The following NADSYN1 variants were observed in gnomAD, a reference collection of about 807,000 sequenced individuals.
NADSYN1 encodes glutamine-dependent NAD(+) synthetase.
In NADSYN1, 80 loss-of-function variants were observed where a neutral mutation model predicts 99.3. The ratio of observed to expected loss-of-function variants is 0.81; its 90% CI spans 0.67 to 0.97. NADSYN1 has a LOEUF of 0.97. Among genes scored for constraint, NADSYN1 ranks in the 50% least tolerant of loss-of-function variants. The pLI is 0.00. For missense variants in NADSYN1, 859 were observed against 948.5 expected (o/e 0.91, Z 1.24); for synonymous variants, 385 against 372.1 (o/e 1.03, Z -0.40).
intron 20 of NADSYN1, chr11:71,498,759 G>T: frequency 2.3e-6 from 1 of 429,608 alleles, no homozygotes; most frequent in Non-Finnish European, 4.2e-6. Context: ...TTCGATATGT[G>T]TGTCACAGTG....
chr11:71,454,777 C>G, intron 1 of NADSYN1, among the ~76,000 whole-genome samples: 1 of 152,216 alleles, frequency 6.6e-6, no homozygotes. Flanking sequence ...CAGGGTCTGA[C>G]TTCTTCCTCT....
chr11:71,455,857 G>C (rs1949510212), intron 2 of NADSYN1, among the ~76,000 whole-genome samples: 1 of 152,194 alleles, frequency 6.6e-6, no homozygotes, highest in Non-Finnish European at 1.5e-5. Flanking sequence ...AGCAAGCATA[G>C]GTTATCGTTT....
intron 18 of NADSYN1, among the ~76,000 whole-genome samples, chr11:71,495,417 G>A (rs1949812423): frequency 6.6e-6 from 1 of 152,202 alleles, no homozygotes; most frequent in African/African-American, 2.4e-5. Flanking sequence ...AGTTGTCTGA[G>A]GCTTCTCTCG....
At chr11:71,477,838 G>A (rs537211829) in intron 9 of NADSYN1, among the ~76,000 whole-genome samples, 1 of 152,210 alleles carries the variant, frequency 6.6e-6, no homozygotes, top group African/African-American at 2.4e-5. Flanking sequence ...GCCCTCCTCT[G>A]TGTTGGCCTG....
chr11:71,458,648 G>A (rs118134329), intron 3 of NADSYN1, 104 bp downstream of exon 3: 4 of 811,992 alleles, frequency 4.9e-6, no homozygotes, highest in Non-Finnish European at 8.5e-6. Flanking sequence ...ACATCCATGT[G>A]TCCAGGGATA....
rs1226391204 is a variant in NADSYN1, at chr11:71,497,562, T to A, written c.1844T>A (p.Met615Lys). Residue 615 changes from methionine to lysine, a missense_variant, in exon 19 of 21, where the codon ATG becomes AAG. Physicochemically the swap from Met to Lys is moderately conservative, Grantham distance 95 (BLOSUM62 -1). Coordinates refer to ENST00000319023, the MANE Select transcript of NADSYN1 (RefSeq NM_018161.5). The part of the protein sequence containing the change: ...RKVAKMGPYS[M>K]FCKLLGMWRH... The stretch of plus-strand genomic sequence containing the variant: ...GTGGCCAAGATGGGGCCCTACAGCA[T>A]GTTCTGCAAACTCCTCGGCATGTGG... 11 of 1,614,156 alleles carry A rather than the reference T, an allele frequency of 6.8e-6. No individual in the cohort carries two copies. The highest frequency in any genetic ancestry group is 9.3e-6 in the Non-Finnish European group (11 of 1,180,018).
intron 19 of NADSYN1, among the ~76,000 whole-genome samples, chr11:71,497,949 A>G (rs560566492): frequency 6.6e-6 from 1 of 152,320 alleles, no homozygotes; most frequent in Non-Finnish European, 1.5e-5. Flanking sequence ...ATTGTAGTCC[A>G]ATGGAACCTC....
chr11:71,498,248 G>C (rs1949833676), intron 19 of NADSYN1, 104 bp from the exon 20 acceptor site: 3 of 1,329,340 alleles, frequency 2.3e-6, no homozygotes, highest in Admixed American at 2.0e-5. Flanking sequence ...CCTGTGCGGG[G>C]AGTAACCCAT....
At chr11:71,501,219 C>A in intron 20 of NADSYN1, 83 bp from the exon 21 acceptor site, 1 of 1,299,374 alleles carries the variant, frequency 7.7e-7, no homozygotes, top group Non-Finnish European at 1.0e-6. Context: ...GGACTTGTGA[C>A]CCGCTTTTGG....
In NADSYN1 at chr11:71,470,775, G is replaced by C. The variant is rs1282796643; in HGVS notation, c.408-1674G>C. On this transcript the variant is annotated intron_variant, in intron 5 of 20. Coordinates refer to ENST00000319023, the MANE Select transcript of NADSYN1 (RefSeq NM_018161.5). ...GTTTACCTATTTTCTGCTTCCAAAG[G>C]CTTTCGTTCTTTTGCTTCTGTTCTG... Among the ~76,000 whole-genome samples the C allele has an allele frequency of 2.6e-5, 4 of 152,170 alleles. 1 individual carries two copies. Among genetic ancestry groups the C allele is most frequent in the African/African-American group, 7.2e-5 (3 of 41,442 alleles).
At chr11:71,470,465 C>A (rs1013597973) in intron 5 of NADSYN1, among the ~76,000 whole-genome samples, 1 of 152,256 alleles carries the variant, frequency 6.6e-6, no homozygotes, top group Non-Finnish European at 1.5e-5. Context: ...CACCTGGGTA[C>A]TGTGTGCACT....
At chr11:71,498,558 A>G (rs1251501488) in intron 20 of NADSYN1, 30 bp downstream of exon 20, 2 of 1,608,436 alleles carry the variant, frequency 1.2e-6, no homozygotes, top group South Asian at 1.1e-5. Context: ...TTCTCTCTCC[A>G]TGTTTCATGT....
At position 71,491,042 on chromosome 11, in the gene NADSYN1, C is replaced by T. The variant is rs112944832; in HGVS notation, c.1694+66C>T. 3,273 of 1,597,616 alleles carry T rather than the reference C, an allele frequency of 2.0e-3. 4 individuals are homozygous for T. The highest frequency in any genetic ancestry group is 2.8e-3 in the Admixed American group (167 of 59,258). ...TCCTCTCCCAGCACGGCCCCGGCCACCCTGGCCCACACTCAGGCTCCTTCG... is the reference window on the plus strand; with the variant it reads ...TCCTCTCCCAGCACGGCCCCGGCCATCCTGGCCCACACTCAGGCTCCTTCG... On this transcript the variant is annotated intron_variant, in intron 17 of 20. Coordinates refer to ENST00000319023, the MANE Select transcript of NADSYN1 (RefSeq NM_018161.5).
intron 5 of NADSYN1, among the ~76,000 whole-genome samples, chr11:71,471,742 G>T (rs1016781924): frequency 1.3e-5 from 2 of 152,200 alleles, no homozygotes; most frequent in Non-Finnish European, 2.9e-5. Context: ...GTGAATGAGG[G>T]GGAAAGACAT....
At chr11:71,468,602 A>G (rs1217386120) in intron 5 of NADSYN1, among the ~76,000 whole-genome samples, 1 of 152,254 alleles carries the variant, frequency 6.6e-6, no homozygotes, top group African/African-American at 2.4e-5. Flanking sequence ...GTTCTTTAAA[A>G]GTCCAGTAGA....
At chr11:71,483,041 G>A (rs1430335478) in intron 14 of NADSYN1, 24 bp downstream of exon 14, 2 of 1,610,878 alleles carry the variant, frequency 1.2e-6, no homozygotes, top group Non-Finnish European at 1.7e-6. Flanking sequence ...CTGGTATTGG[G>A]CATGGCAGGT....
At chr11:71,462,441 G>A (rs1209441337) in intron 3 of NADSYN1, among the ~76,000 whole-genome samples, 2 of 152,114 alleles carry the variant, frequency 1.3e-5, no homozygotes, top group African/African-American at 4.8e-5. Flanking sequence ...GCCCCCTCGA[G>A]TTGGTCCTGC....
intron 4 of NADSYN1, 135 bp downstream of exon 4, chr11:71,463,620 T>A: frequency 1.3e-6 from 1 of 762,706 alleles, no homozygotes; most frequent in Non-Finnish European, 2.1e-6. Context: ...CCGGGCTTAG[T>A]GAGGGCCGAT....
At chr11:71,467,742 T>C (rs149093152) in intron 5 of NADSYN1, among the ~76,000 whole-genome samples, 533 of 152,242 alleles carry the variant, frequency 3.5e-3, no homozygotes, top group Non-Finnish European at 6.5e-3. Context: ...TGAAAGTGGA[T>C]AACAAGGGTG....
Sources: allele counts gnomAD v4.1 joint callset (sites outside exome capture counted in the v4.1 genomes callset), GRCh38; gene constraint gnomAD v4.1.1; transcripts MANE v1.5; gene names NCBI Gene and HGNC (gene_info 2026-07-23, HGNC 2026-07-21).